The following RILPL1 variants were observed in gnomAD, a reference collection of about 807,000 sequenced individuals.
RILPL1 encodes Rab interacting lysosomal protein like 1.
RILPL1 carries 33 observed loss-of-function variants against 50.3 expected under a neutral mutation model. The ratio of observed to expected loss-of-function variants is 0.66; its 90% CI spans 0.50 to 0.88. The LOEUF is 0.88. Ranked by LOEUF, RILPL1 falls within the 40% of genes least tolerant of loss-of-function variation. The pLI, the probability that RILPL1 is intolerant of heterozygous loss-of-function variation, is 0.00. For missense variants in RILPL1, 418 were observed against 542.5 expected (o/e 0.77, Z 2.28); for synonymous variants, 205 against 228.6 (o/e 0.90, Z 0.93).
chr12:123,525,140 T>A (rs1039853327), intron 1 of RILPL1, among the ~76,000 whole-genome samples: 4 of 150,776 alleles, frequency 2.7e-5, no homozygotes, highest in Non-Finnish European at 4.4e-5. Context: ...TTGGAAAAAA[T>A]AATAATAATA....
intron 6 of RILPL1, among the ~76,000 whole-genome samples, chr12:123,483,219 T>C (rs1038162180): frequency 1.3e-5 from 2 of 152,204 alleles, no homozygotes; most frequent in Non-Finnish European, 2.9e-5. Flanking sequence ...AGAATGCAGC[T>C]CCAACACTGC....
At chr12:123,510,428 GGTGT>G (rs1423240289) in intron 2 of RILPL1, among the ~76,000 whole-genome samples, 1 of 149,892 alleles carries the variant, frequency 6.7e-6, no homozygotes, top group African/African-American at 2.5e-5. Context: ...GTCTGTGTCT[GGTGT>G]GTGTGTGAGG....
At chr12:123,478,240 A>T (rs548939137) in intron 6 of RILPL1, among the ~76,000 whole-genome samples, 1 of 151,712 alleles carries the variant, frequency 6.6e-6, no homozygotes, top group African/African-American at 2.4e-5. Context: ...GCCTCAAGCG[A>T]TCCCCCCACC....
intron 2 of RILPL1, among the ~76,000 whole-genome samples, chr12:123,505,433 C>T (rs999653089): frequency 1.3e-5 from 2 of 152,098 alleles, no homozygotes; most frequent in African/African-American, 4.8e-5. Context: ...AAGTGATTCT[C>T]CCATCTCAGC....
At chr12:123,484,671 T>G in intron 5 of RILPL1, 1 of 216,838 alleles carries the variant, frequency 4.6e-6, no homozygotes, top group Non-Finnish European at 9.0e-6. Context: ...TTTTTTTTTT[T>G]TGAGACAGGG....
rs781038962 is a variant in RILPL1, at chr12:123,470,307, G to T, written c.*2231C>A. ...AGCTTAGGCAACAAAGTAAGACCTG[G>T]TCTCTACAAAAAATAATTAGCTGGG... On this transcript the variant is annotated 3_prime_UTR_variant, in exon 7 of 7. Transcript: ENST00000376874. 4 of 151,154 alleles carry T rather than the reference G, an allele frequency of 2.6e-5. No individual in the cohort carries two copies. The highest frequency in any genetic ancestry group is 4.9e-5 in the African/African-American group (2 of 41,072). 9.4% of individuals were successfully genotyped at this position (151,154 alleles called of 1,614,324 possible). A position where few individuals can be genotyped will look rare whatever the true frequency, so the allele number is the denominator to read the frequency against.
At chr12:123,516,062 G>GAAAAAAAAAAAAAAAA (rs1884677663) in intron 2 of RILPL1, among the ~76,000 whole-genome samples, 5 of 93,462 alleles carry the variant, frequency 5.3e-5, no homozygotes, top group Non-Finnish European at 9.0e-5. Flanking sequence ...AAAAAAAAAT[G>GAAAAAAAAAAAAAAAA]CCCCGAGATG....
At chr12:123,526,871 T>C (rs1167637429) in intron 1 of RILPL1, among the ~76,000 whole-genome samples, 1 of 152,120 alleles carries the variant, frequency 6.6e-6, no homozygotes, top group Non-Finnish European at 1.5e-5. Flanking sequence ...CCTGTTCCTC[T>C]CTGTTTCCAA....
At chr12:123,503,514 C>T (rs549603969) in intron 2 of RILPL1, among the ~76,000 whole-genome samples, 8 of 151,930 alleles carry the variant, frequency 5.3e-5, no homozygotes, top group African/African-American at 1.7e-4. Flanking sequence ...AGAGAGATTT[C>T]GTTCCTTCCC....
intron 6 of RILPL1, among the ~76,000 whole-genome samples, chr12:123,476,455 A>G (rs918078417): frequency 6.6e-6 from 1 of 150,952 alleles, no homozygotes; most frequent in Non-Finnish European, 1.5e-5. Context: ...AAAAAAAAGA[A>G]AAAAAGAAAT....
intron 2 of RILPL1, among the ~76,000 whole-genome samples, chr12:123,505,189 C>G (rs192975535): frequency 3.4e-4 from 52 of 152,204 alleles, no homozygotes; most frequent in Middle Eastern, 3.4e-3. Flanking sequence ...TACAGGCATG[C>G]GCCTGGCAAT....
intron 2 of RILPL1, among the ~76,000 whole-genome samples, chr12:123,512,791 TTG>T (rs375653800): frequency 1.5e-3 from 180 of 117,934 alleles, no homozygotes; most frequent in African/African-American, 4.0e-3. Flanking sequence ...TGTGTGAGGT[TTG>T]TGTGTGTGTG....
chr12:123,484,121 C>CA, intron 6 of RILPL1, 59 bp downstream of exon 6: 1 of 1,151,808 alleles, frequency 8.7e-7, no homozygotes, highest in Non-Finnish European at 1.3e-6. Context: ...GAGGAAAAGT[C>CA]AAAGGACACG....
chr12:123,490,412 C>T (rs1431387397), intron 4 of RILPL1, among the ~76,000 whole-genome samples: 2 of 152,248 alleles, frequency 1.3e-5, no homozygotes, highest in South Asian at 2.1e-4. Context: ...ACTTTCAAAG[C>T]CACAGGAATT....
At chr12:123,526,385 C>T (rs1323483479) in intron 1 of RILPL1, among the ~76,000 whole-genome samples, 2 of 152,128 alleles carry the variant, frequency 1.3e-5, no homozygotes, top group Non-Finnish European at 2.9e-5. Context: ...GCCTGCCGCC[C>T]TAAGTCTGAA....
At position 123,489,491 on chromosome 12, in the gene RILPL1, C is replaced by T. The variant is rs1365908208; in HGVS notation, c.802-3686G>A. On this transcript the variant is annotated intron_variant, in intron 4 of 6. Transcript: ENST00000376874. This position sits in a 1 kb window ranked among gnomAD's most constrained non-coding sequence, Gnocchi z 4.0. ...CAGCCTGGCCAACATGGTGAAACCC[C>T]GTCTCTACTAAAAAACACAAAAATT... 7.2e-5 allele frequency among the ~76,000 whole-genome samples: 11 copies of T among 151,978 alleles called. No homozygotes were observed. The South Asian group carries it at 1.7e-3, about 23-fold the overall frequency.
rs777103360 is a variant in RILPL1 at position 123,485,964 on chromosome 12, TAC to T, written c.802-161_802-160del. Among the ~76,000 whole-genome samples the T allele has an allele frequency of 6.6e-6, 1 of 152,192 alleles. No homozygotes were observed. Among genetic ancestry groups the T allele is most frequent in the Non-Finnish European group, 1.5e-5 (1 of 68,040 alleles). ...GCAGGCGGCCCTTGCTCACGTTCTGTACAGTTTCCCTCTGGAGGTGGAAGCCA... is the reference window on the plus strand; with the variant it reads ...GCAGGCGGCCCTTGCTCACGTTCTGTAGTTTCCCTCTGGAGGTGGAAGCCA... On this transcript the variant is annotated intron_variant, in intron 4 of 6. Coordinates refer to ENST00000376874, the MANE Select transcript of RILPL1 (RefSeq NM_178314.5). This position sits in a 1 kb window ranked among gnomAD's most constrained non-coding sequence, Gnocchi z 4.0.
chr12:123,518,439 T>C, intron 2 of RILPL1: 1 of 324,590 alleles, frequency 3.1e-6, no homozygotes, highest in Admixed American at 3.5e-5. Flanking sequence ...CCTGGGAGGT[T>C]GAGGCTATGG....
chr12:123,476,673 G>A (rs1421157277), intron 6 of RILPL1, among the ~76,000 whole-genome samples: 1 of 152,062 alleles, frequency 6.6e-6, no homozygotes, highest in African/African-American at 2.4e-5. Flanking sequence ...GAGAGGTGTG[G>A]GGCAGATTCT....
Sources: gnomAD v4.1 joint callset for allele counts (sites outside exome capture counted in the v4.1 genomes callset) on GRCh38, gnomAD v4.1.1 for gene constraint, Gnocchi (gnomAD v3.1) non-coding constraint, MANE v1.5 for transcripts, NCBI Gene and HGNC (gene_info 2026-07-23, HGNC 2026-07-21) for gene names.